The following HSPG2 variants were observed in gnomAD, a reference collection of about 807,000 sequenced individuals.
HSPG2 encodes the protein basement membrane-specific heparan sulfate proteoglycan core protein.
HSPG2 carries 278 observed loss-of-function variants against 526.6 expected under a neutral mutation model. The ratio of observed to expected loss-of-function variants is 0.53; its 90% CI spans 0.48 to 0.58. HSPG2 has a LOEUF of 0.58. Ranked by LOEUF, HSPG2 falls within the 20% of genes least tolerant of loss-of-function variation. The pLI, the probability that HSPG2 is intolerant of heterozygous loss-of-function variation, is 0.00. For missense variants in HSPG2, 5,354 were observed against 6,099.5 expected, an observed-to-expected ratio of 0.88 and a Z score of 4.07; for synonymous variants, 2,465 against 2,555.4, an observed-to-expected ratio of 0.96 and a Z score of 1.07.
intron 55 of HSPG2, 50 bp from the exon 56 acceptor site, chr1:21,850,548 C>A: frequency 6.5e-7 from 1 of 1,530,598 alleles, no homozygotes; most frequent in Non-Finnish European, 8.8e-7. Context: ...GACCCCTGTT[C>A]CTATAACCTG....
In HSPG2 at chr1:21,926,921, C is replaced by T. The variant is rs542703697; in HGVS notation, c.63+10234G>A. On this transcript the variant is annotated intron_variant, in intron 1 of 96. Transcript: ENST00000374695. ...TTCCCAACTATTTGAAAATTGGAAA[C>T]GCCAAACAAGGAGAGGGTTGAGTCA... 6.6e-4 allele frequency among the ~76,000 whole-genome samples: 100 copies of T among 152,186 alleles called. 1 individual carries two copies. The highest frequency in any genetic ancestry group is 1.2e-3 in the South Asian group (6 of 4,812).
At chr1:21,934,815 T>C (rs894904645) in intron 1 of HSPG2, among the ~76,000 whole-genome samples, 4 of 152,168 alleles carry the variant, frequency 2.6e-5, no homozygotes, top group African/African-American at 4.8e-5. Context: ...CAGGCTGATC[T>C]TGAACTCCTG....
intron 9 of HSPG2, among the ~76,000 whole-genome samples, chr1:21,886,275 A>G (rs1641888081): frequency 2.0e-5 from 3 of 152,140 alleles, no homozygotes; most frequent in African/African-American, 4.8e-5. Context: ...AAAGCCCCCA[A>G]TTACTTTATC....
At chr1:21,902,538 C>T (rs1007822056) in intron 1 of HSPG2, among the ~76,000 whole-genome samples, 2 of 152,230 alleles carry the variant, frequency 1.3e-5, no homozygotes, top group African/African-American at 4.8e-5. Context: ...TGCTCCAGGT[C>T]ACACAGCAAA....
intron 3 of HSPG2, among the ~76,000 whole-genome samples, chr1:21,892,446 C>G (rs547353633): frequency 1.1e-4 from 17 of 152,268 alleles, no homozygotes; most frequent in Non-Finnish European, 2.4e-4. Flanking sequence ...GGGAAGGGCA[C>G]AGGCCCTTCA....
Position 21,824,335 on chromosome 1 carries a change from G to A in HSPG2, c.12786C>T (p.Leu4262=), listed in dbSNP as rs141936971. ...AGACAAGGTGCCCGTCTTGAAGCCC[G>A]AGGCTGATGAAGTCCTTGCCTTGGC... ...EAGQGKDFIS[L]GLQDGHLVFR... Residue 4262 remains leucine (L), a synonymous_variant, in exon 94 of 97, where the codon CTC becomes CTT. Coordinates refer to ENST00000374695, the MANE Select transcript of HSPG2 (RefSeq NM_005529.7). This position sits in a 1 kb window ranked among gnomAD's most constrained non-coding sequence, Gnocchi z 5.9. 8.3e-4 allele frequency: 1,332 copies of A among 1,613,922 alleles called. 4 individuals carry two copies. The highest frequency in any genetic ancestry group is 3.1e-3 in the Admixed American group (186 of 60,026).
At position 21,878,583 on chromosome 1, in the gene HSPG2, C is replaced by T; in HGVS notation, c.2552G>A (p.Cys851Tyr). The change falls in exon 19 of 97, where the codon TGT becomes TAT. Residue 851 changes from cysteine (C) to tyrosine (Y), a missense_variant. Cys to Tyr is a radical substitution (Grantham distance 194, BLOSUM62 -2). Transcript: ENST00000374695. ...CCCCAAGGCTCTCCCTCACCTCTCA[C>T]AGCGGCGGCCAGTGTAGCCTGGGGC... ...ACAPGYTGRR[C>Y]ESCAPGYEGN... The T allele has an allele frequency of 6.2e-7, 1 of 1,614,118 alleles. No homozygotes were observed. The highest frequency in any genetic ancestry group is 8.5e-7 in the Non-Finnish European group (1 of 1,180,024).
At chr1:21,902,554 T>C (rs1643158791) in intron 1 of HSPG2, among the ~76,000 whole-genome samples, 1 of 152,122 alleles carries the variant, frequency 6.6e-6, no homozygotes, top group Non-Finnish European at 1.5e-5. Context: ...GCAAAGGCAA[T>C]GGGAACGGAG....
intron 33 of HSPG2, chr1:21,870,843 C>T (rs3767139): frequency 0.22 from 219,681 of 985,912 alleles, 25,710 homozygotes; most frequent in East Asian, 0.55. Flanking sequence ...CCTGGTGAGC[C>T]CGGCGCATCC....
Position 21,823,374 on chromosome 1 carries a change from G to A in HSPG2, c.13118C>T (p.Pro4373Leu), listed in dbSNP as rs1014776082. The A allele has an allele frequency of 1.3e-6, 2 of 1,551,392 alleles. No homozygotes were observed. Among genetic ancestry groups the A allele is most frequent in the Non-Finnish European group, 1.7e-6 (2 of 1,152,754 alleles). ...CTGGGCGCGGTGCTGCAGGTCCAGG[G>A]GCTGTGGGGGCGGGGCGCCGGGTCG... The part of the protein sequence containing the change: ...SARPGAPPPQ[P>L]LDLQHRAQAG... The change falls in exon 97 of 97, where the codon CCC becomes CTC. Residue 4373 changes from proline to leucine, a missense_variant. Pro to Leu is a moderately conservative substitution (Grantham distance 98). Coordinates refer to ENST00000374695, the MANE Select transcript of HSPG2 (RefSeq NM_005529.7).
Position 21,887,787 on chromosome 1 carries a change from C to A in HSPG2, c.704-113G>T, listed in dbSNP as rs1572369628. On this transcript the variant is annotated intron_variant, in intron 7 of 96. Coordinates refer to ENST00000374695, the MANE Select transcript of HSPG2 (RefSeq NM_005529.7). The surrounding 1 kb of genome is among the most constrained non-coding windows in gnomAD (Gnocchi z 5.0). ...ACTCCCCAACACCACTCCCTGCCACCCCCTGCCTGGCTCTGTCATCACCCT... is the reference window on the plus strand; with the variant it reads ...ACTCCCCAACACCACTCCCTGCCACACCCTGCCTGGCTCTGTCATCACCCT... 1.9e-6 allele frequency: 3 copies of A among 1,557,774 alleles called. No individual in the cohort carries two copies. The Admixed American group carries it at 5.0e-5, about 26-fold the overall frequency.
Position 21,890,579 on chromosome 1 carries a change from C to T in HSPG2, c.354+6G>A, listed in dbSNP as rs946039059. On this transcript the variant is annotated splice_donor_region_variant and intron_variant, in intron 4 of 96. Coordinates refer to ENST00000374695, the MANE Select transcript of HSPG2 (RefSeq NM_005529.7). This position sits in a 1 kb window ranked among gnomAD's most constrained non-coding sequence, Gnocchi z 4.1. ...CCGCGAGCTTCCCAAACCCCCTTCA[C>T]CTCACCGTGTCTACCACAGCCTCGG... 6.2e-7 allele frequency: 1 copy of T among 1,611,688 alleles called. No individual in the cohort carries two copies. Among genetic ancestry groups the T allele is most frequent in the Non-Finnish European group, 8.5e-7 (1 of 1,177,742 alleles).
intron 75 of HSPG2, among the ~76,000 whole-genome samples, chr1:21,836,519 C>T (rs2098026847): frequency 6.6e-6 from 1 of 152,176 alleles, no homozygotes; most frequent in South Asian, 2.1e-4. Flanking sequence ...GGCAGGGTTT[C>T]ACCATGTTGG....
intron 25 of HSPG2, 55 bp from the exon 26 acceptor site, chr1:21,875,057 C>T (rs1640943412): frequency 7.7e-7 from 1 of 1,297,660 alleles, no homozygotes; most frequent in Non-Finnish European, 1.1e-6. Flanking sequence ...GCCAGGCACG[C>T]CTGGAGTCCT....
In HSPG2 at chr1:21,831,705, T is replaced by G; in HGVS notation, c.11299A>C (p.Thr3767Pro). The G allele has an allele frequency of 6.2e-7, 1 of 1,606,192 alleles. No homozygotes were observed. Reference sequence around the variant, plus strand: ...TCACCCACAATCAGGGAGCCCTGGGTGAGGCTGCGCAGCAGGGTCACGGTG... The same window carrying G: ...TCACCCACAATCAGGGAGCCCTGGGGGAGGCTGCGCAGCAGGGTCACGGTG... ...FHTVTLLRSL[T>P]QGSLIVGDLA... Residue 3767 changes from threonine to proline, a missense_variant, in exon 82 of 97, where the codon ACC (threonine) becomes CCC (proline). By Grantham distance (38) the Thr-to-Pro change is conservative (BLOSUM62 -1). Coordinates refer to ENST00000374695, the MANE Select transcript of HSPG2 (RefSeq NM_005529.7).
intron 38 of HSPG2, 56 bp from the exon 39 acceptor site, chr1:21,861,899 C>A (rs1453739195): frequency 6.2e-7 from 1 of 1,613,190 alleles, no homozygotes; most frequent in African/African-American, 1.3e-5. Context: ...CATCTTGCTC[C>A]CTTCACTTCT....
In HSPG2 at chr1:21,847,840, A is replaced by C; in HGVS notation, c.7874T>G (p.Val2625Gly). ...CCTGATCGGTGGGGAGACGCTGGGC[A>C]CTGGGGACAGACGGGTGTGGACCAC... ...VTIQGSGSSH[V>G]PSVSPPIRIE... Residue 2625 changes from valine (V) to glycine (G), a missense_variant and splice_region_variant, in exon 61 of 97, where the codon GTG becomes GGG. Coordinates refer to ENST00000374695, the MANE Select transcript of HSPG2 (RefSeq NM_005529.7). The surrounding 1 kb of genome is among the most constrained non-coding windows in gnomAD (Gnocchi z 4.1). The C allele has an allele frequency of 1.9e-6, 3 of 1,613,898 alleles. No homozygotes were observed. The highest frequency in any genetic ancestry group is 2.5e-6 in the Non-Finnish European group (3 of 1,180,008).
chr1:21,934,907 T>C (rs916044363), intron 1 of HSPG2, among the ~76,000 whole-genome samples: 1 of 145,114 alleles, frequency 6.9e-6, no homozygotes, highest in African/African-American at 2.6e-5. Context: ...GAAAAACTTT[T>C]TATTGTTTGT....
chr1:21,829,017 C>A lies in HSPG2; in HGVS notation c.12055G>T (p.Glu4019Ter). 1 of 1,558,982 alleles carries A rather than the reference C, an allele frequency of 6.4e-7. No homozygotes were observed. Among genetic ancestry groups the A allele is most frequent in the Non-Finnish European group, 8.7e-7 (1 of 1,152,278 alleles). Residue 4019 changes from glutamate to a stop codon, truncating the protein, a stop_gained, in exon 88 of 97, where the codon GAG (glutamate) becomes TAG (stop). Coordinates refer to ENST00000374695, the MANE Select transcript of HSPG2 (RefSeq NM_005529.7). LOFTEE classifies it high-confidence loss of function. ...AGGCTGCCGTCCTTGTTGAGACGCT[C>A]TGCAGACACACGGTGCCAGCGGCCC... ...ALGRWHRVSA[E>*]RLNKDGSLRV...
Sources: gnomAD v4.1 joint callset for allele counts (sites outside exome capture counted in the v4.1 genomes callset) on GRCh38, gnomAD v4.1.1 for gene constraint, Gnocchi (gnomAD v3.1) non-coding constraint, MANE v1.5 for transcripts, NCBI Gene and HGNC (gene_info 2026-07-23, HGNC 2026-07-21) for gene names.